The following NRCAM variants were observed in gnomAD, a reference collection of about 807,000 sequenced individuals.
NRCAM encodes the protein NgCAM-related cell adhesion molecule.
Under a neutral mutation model 156.5 loss-of-function variants are expected in NRCAM, and 83 were observed. The ratio of observed to expected loss-of-function variants is 0.53; its 90% CI spans 0.44 to 0.64. NRCAM has a LOEUF of 0.64. NRCAM is among the 30% of genes least tolerant of loss of function. NRCAM has a pLI of 0.00. For missense variants in NRCAM, 1,417 were observed against 1,597.3 expected (o/e 0.89, Z 1.92); for synonymous variants, 538 against 563.9 (o/e 0.95, Z 0.65).
At chr7:108,188,655 C>T (rs2068868415) in intron 20 of NRCAM, among the ~76,000 whole-genome samples, 1 of 149,678 alleles carries the variant, frequency 6.7e-6, no homozygotes, top group Admixed American at 6.7e-5. Flanking sequence ...AAAGAGTCTC[C>T]AAGCCATCTA....
chr7:108,170,437 A>G (rs1186691565), intron 28 of NRCAM, among the ~76,000 whole-genome samples: 1 of 152,226 alleles, frequency 6.6e-6, no homozygotes, highest in Non-Finnish European at 1.5e-5. Flanking sequence ...TTTCAAAGTC[A>G]TCCCTCTGCT....
chr7:108,331,357 C>T (rs2099124471), intron 2 of NRCAM, among the ~76,000 whole-genome samples: 1 of 151,956 alleles, frequency 6.6e-6, no homozygotes, highest in Admixed American at 6.6e-5. Flanking sequence ...ACTGTGACTG[C>T]ACCACTGTAC....
chr7:108,320,048 T>C lies in NRCAM; in HGVS notation c.-173-7317A>G, dbSNP rs572599338. Among the ~76,000 whole-genome samples, 3 of 152,336 alleles carry C rather than the reference T, an allele frequency of 2.0e-5. No individual in the cohort carries two copies. The East Asian group carries it at 5.8e-4, about 29-fold the overall frequency. Reference sequence around the variant, plus strand: ...GGCAAGAACTACAAGTGAATTCCTATACAGTTATAAAAAAACACTTTTGAT... The same window carrying C: ...GGCAAGAACTACAAGTGAATTCCTACACAGTTATAAAAAAACACTTTTGAT... On this transcript the variant is annotated intron_variant, in intron 2 of 32. Coordinates refer to ENST00000379028, the MANE Select transcript of NRCAM (RefSeq NM_001037132.4).
chr7:108,337,655 G>A (rs558068150), intron 2 of NRCAM, among the ~76,000 whole-genome samples: 4 of 152,246 alleles, frequency 2.6e-5, no homozygotes, highest in Middle Eastern at 3.4e-3. Flanking sequence ...AACACTCATC[G>A]CAAGGCCCAA....
chr7:108,179,687 C>T (rs1266151781), intron 25 of NRCAM, among the ~76,000 whole-genome samples: 1 of 152,178 alleles, frequency 6.6e-6, no homozygotes, highest in African/African-American at 2.4e-5. Flanking sequence ...TCTGCAATGA[C>T]TTTTCCCTCC....
At chr7:108,260,283 T>C (rs1309239017) in intron 3 of NRCAM, among the ~76,000 whole-genome samples, 1 of 152,138 alleles carries the variant, frequency 6.6e-6, no homozygotes. Flanking sequence ...AGATAAGTCA[T>C]TGAATATAAA....
intron 19 of NRCAM, 86 bp from the exon 20 acceptor site, chr7:108,189,832 C>T: frequency 1.5e-6 from 1 of 648,286 alleles, no homozygotes; most frequent in Non-Finnish European, 2.8e-6. Context: ...ACAGAGGGGA[C>T]ATCTTAAAGA....
intron 3 of NRCAM, among the ~76,000 whole-genome samples, chr7:108,282,002 C>G (rs1016494721): frequency 3.9e-5 from 6 of 152,164 alleles, no homozygotes; most frequent in African/African-American, 4.8e-5. Flanking sequence ...GTCATTGCCC[C>G]CTGTGAGTCC....
chr7:108,296,740 G>A (rs2098461347), intron 3 of NRCAM, among the ~76,000 whole-genome samples: 1 of 152,012 alleles, frequency 6.6e-6, no homozygotes, highest in African/African-American at 2.4e-5. Context: ...GTAATTAGAA[G>A]GCCATTAGGA....
chr7:108,152,734 C>T lies in NRCAM; in HGVS notation c.3678-2587G>A, dbSNP rs948184657. Among the ~76,000 whole-genome samples, 8 of 152,074 alleles carry T rather than the reference C, an allele frequency of 5.3e-5. No individual in the cohort carries two copies. The South Asian group carries it at 8.3e-4, about 16-fold the overall frequency. On this transcript the variant is annotated intron_variant, in intron 32 of 32. Coordinates refer to ENST00000379028, the MANE Select transcript of NRCAM (RefSeq NM_001037132.4). ...AGAATTGCAGAGTTGCAGCAGAGACCGCGCGGCCTGTAAAGTCTAAAATAT... is the reference window on the plus strand; with the variant it reads ...AGAATTGCAGAGTTGCAGCAGAGACTGCGCGGCCTGTAAAGTCTAAAATAT...
At chr7:108,434,362 T>C (rs1369050221) in intron 1 of NRCAM, among the ~76,000 whole-genome samples, 3 of 152,134 alleles carry the variant, frequency 2.0e-5, no homozygotes, top group Non-Finnish European at 2.9e-5. Context: ...ACTGTTTGTT[T>C]GGAGAAAACA....
chr7:108,428,453 G>C (rs1820291820), intron 1 of NRCAM, among the ~76,000 whole-genome samples: 1 of 152,212 alleles, frequency 6.6e-6, no homozygotes, highest in African/African-American at 2.4e-5. Flanking sequence ...AAGGAGTAGA[G>C]AGCGAGGGCT....
In NRCAM at chr7:108,267,331, G is replaced by C. The variant is rs147330691; in HGVS notation, c.-106-27161C>G. Among the ~76,000 whole-genome samples, 322 of 152,302 alleles carry C rather than the reference G, an allele frequency of 2.1e-3. 1 individual carries two copies. Among genetic ancestry groups the C allele is most frequent in the African/African-American group, 7.3e-3 (304 of 41,574 alleles). ...TTTCTCCCAAGAATCCTTTGATTTT[G>C]CTGTTGCCAGTTATGGCAAAAAGGC... On this transcript the variant is annotated intron_variant, in intron 3 of 32. Coordinates refer to ENST00000379028, the MANE Select transcript of NRCAM (RefSeq NM_001037132.4).
chr7:108,407,488 G>T (rs974539697), intron 1 of NRCAM, among the ~76,000 whole-genome samples: 2 of 152,166 alleles, frequency 1.3e-5, no homozygotes, highest in Non-Finnish European at 2.9e-5. Flanking sequence ...CTAAGATTGT[G>T]ATCAACTGAA....
intron 2 of NRCAM, among the ~76,000 whole-genome samples, chr7:108,352,076 C>A (rs903583335): frequency 6.6e-6 from 1 of 152,146 alleles, no homozygotes; most frequent in Non-Finnish European, 1.5e-5. Flanking sequence ...AACAAAGCCA[C>A]CATTATACAA....
intron 32 of NRCAM, among the ~76,000 whole-genome samples, chr7:108,154,071 A>G (rs1446212421): frequency 1.3e-5 from 2 of 152,174 alleles, no homozygotes; most frequent in Non-Finnish European, 2.9e-5. Flanking sequence ...GGCTGATTCT[A>G]TGATGTACAA....
intron 1 of NRCAM, among the ~76,000 whole-genome samples, chr7:108,454,372 CA>C (rs1598696556): frequency 6.6e-6 from 1 of 152,186 alleles, no homozygotes; most frequent in Non-Finnish European, 1.5e-5. Context: ...AGCACAAGGA[CA>C]AAAACAATCC....
intron 2 of NRCAM, among the ~76,000 whole-genome samples, chr7:108,382,594 A>G (rs1174556796): frequency 6.6e-6 from 1 of 152,036 alleles, no homozygotes; most frequent in Non-Finnish European, 1.5e-5. Context: ...AGGCAACAGA[A>G]TGAGACTCCA....
chr7:108,209,183 A>G (rs1039031826), intron 12 of NRCAM, among the ~76,000 whole-genome samples: 1 of 152,054 alleles, frequency 6.6e-6, no homozygotes, highest in African/African-American at 2.4e-5. Context: ...TGACTTTTCT[A>G]TTTCCTTCAT....
Sources: gnomAD v4.1 joint callset for allele counts (sites outside exome capture counted in the v4.1 genomes callset) on GRCh38, gnomAD v4.1.1 for gene constraint, MANE v1.5 for transcripts, NCBI Gene and HGNC (gene_info 2026-07-23, HGNC 2026-07-21) for gene names.